Variants in TOX4 observed in about 807,000 individuals in gnomAD.
TOX4 encodes the protein epidermal Langerhans cell protein LCP1.
A neutral mutation model predicts 61.0 loss-of-function variants in TOX4; 12 were observed. That is an observed-to-expected ratio of 0.20 (90% confidence interval 0.13 to 0.32). The LOEUF is 0.32. TOX4 is among the 10% of genes least tolerant of loss of function. The pLI is 1.00. For synonymous variants in TOX4, 268 were observed against 274.8 expected (o/e 0.98, Z 0.24); for missense variants, 499 against 753.3 (o/e 0.66, Z 3.95).
intron 7 of TOX4, 69 bp downstream of exon 7, chr14:21,493,326 C>G: frequency 6.6e-7 from 1 of 1,506,934 alleles, no homozygotes; most frequent in Non-Finnish European, 8.9e-7. Context: ...GACCCAATAA[C>G]AGTGGGGGTT....
intron 2 of TOX4, among the ~76,000 whole-genome samples, chr14:21,481,782 AAAC>A (rs1566479625): frequency 6.6e-6 from 1 of 152,248 alleles, no homozygotes; most frequent in Non-Finnish European, 1.5e-5. Context: ...TGGATAATCT[AAAC>A]AATATTTTGT....
chr14:21,492,707 A>C lies in TOX4; in HGVS notation c.1091A>C (p.Asn364Thr). ...QASSGAGGQP[N>T]ITKLIITKQM... ...TCTTCTGGAGCTGGGGGTCAGCCCA[A>C]TATCACCAAGTTGATTATTACCAAA... Residue 364 changes from asparagine (N) to threonine (T), a missense_variant, in exon 7 of 9, where the codon AAT becomes ACT. Coordinates refer to ENST00000448790, the MANE Select transcript of TOX4 (RefSeq NM_014828.4). 6.2e-7 allele frequency: 1 copy of C among 1,614,130 alleles called. No individual in the cohort carries two copies. Among genetic ancestry groups the C allele is most frequent in the Non-Finnish European group, 8.5e-7 (1 of 1,180,028 alleles).
At chr14:21,491,281 C>T (rs971202789) in intron 5 of TOX4, among the ~76,000 whole-genome samples, 1 of 152,222 alleles carries the variant, frequency 6.6e-6, no homozygotes, top group Non-Finnish European at 1.5e-5. Flanking sequence ...CAATTTACCA[C>T]ATTCCATAAG....
intron 2 of TOX4, 71 bp from the exon 3 acceptor site, chr14:21,487,380 A>G (rs1891206090): frequency 3.2e-6 from 5 of 1,561,582 alleles, no homozygotes; most frequent in Non-Finnish European, 3.5e-6. Context: ...GTACCCCATT[A>G]TGTTCTTCAC....
At position 21,497,649 on chromosome 14, in the gene TOX4, T is replaced by A. The variant is rs1169585061; in HGVS notation, c.*1043T>A. On this transcript the variant is annotated 3_prime_UTR_variant, in exon 9 of 9. Coordinates refer to ENST00000448790, the MANE Select transcript of TOX4 (RefSeq NM_014828.4). Reference sequence around the variant, plus strand: ...TTCAAGCGATTCTCCTGCATCAGCCTCCCGAGTAGCTAGGATTACAGGCGC... The same window carrying A: ...TTCAAGCGATTCTCCTGCATCAGCCACCCGAGTAGCTAGGATTACAGGCGC... 6.6e-6 allele frequency: 1 copy of A among 150,806 alleles called. No homozygotes were observed. Among genetic ancestry groups the A allele is most frequent in the Non-Finnish European group, 1.5e-5 (1 of 67,860 alleles). The allele number at this position is 150,806 out of a possible 1,614,324, so 9.3% of individuals were successfully genotyped here.
At position 21,487,834 on chromosome 14, in the gene TOX4, T is replaced by G. The variant is rs1237560829; in HGVS notation, c.318+141T>G. 3.2e-6 allele frequency: 3 copies of G among 924,906 alleles called. No individual in the cohort carries two copies. In the East Asian group the frequency reaches 9.3e-5, roughly 29 times the overall value. 57.3% of individuals were successfully genotyped at this position (924,906 alleles called of 1,614,324 possible). ...AAAGGCTCACCAACAAAGACTTAAT[T>G]TCACCTGAATAAATGAAATTTACCA... On this transcript the variant is annotated intron_variant, in intron 3 of 8. Coordinates refer to ENST00000448790, the MANE Select transcript of TOX4 (RefSeq NM_014828.4).
At position 21,495,282 on chromosome 14, in the gene TOX4, A is replaced by G; in HGVS notation, c.1695A>G (p.Ala565=). Residue 565 remains alanine (A), a synonymous_variant, in exon 8 of 9, where the codon GCA becomes GCG. Coordinates refer to ENST00000448790, the MANE Select transcript of TOX4 (RefSeq NM_014828.4). The stretch of plus-strand genomic sequence containing the variant: ...AATTGGTGAGTGGGTCTCCTGTGGC[A>G]CTCTCACCCCAGCCTCGATGTGTGA... ...DVELVSGSPV[A]LSPQPRCVRS... 6.2e-7 allele frequency: 1 copy of G among 1,613,798 alleles called. No homozygotes were observed. Among genetic ancestry groups the G allele is most frequent in the South Asian group, 1.1e-5 (1 of 91,068 alleles).
chr14:21,490,470 C>T (rs974692373), intron 5 of TOX4, among the ~76,000 whole-genome samples: 1 of 152,124 alleles, frequency 6.6e-6, no homozygotes, highest in Non-Finnish European at 1.5e-5. Flanking sequence ...AGTGAAACTC[C>T]ATCTCAAAAA....
chr14:21,489,109 T>A, intron 4 of TOX4, 64 bp from the exon 5 acceptor site: 2 of 1,519,230 alleles, frequency 1.3e-6, no homozygotes, highest in Non-Finnish European at 1.8e-6. Context: ...TACATGTGGC[T>A]AGTTTCCAGA....
At position 21,477,293 on chromosome 14, in the gene TOX4, C is replaced by G. The variant is rs533831557; in HGVS notation, c.6+9C>G. 4.5e-5 allele frequency: 72 copies of G among 1,614,006 alleles called. No homozygotes were observed. In the East Asian group the frequency reaches 7.4e-4, roughly 16 times the overall value. ...GTTGTGTGAAGATGGAGGTAGGAAC[C>G]TGATAGCTAAGAAGGCTGGCGAGAG... On this transcript the variant is annotated intron_variant, in intron 1 of 8. Transcript: ENST00000448790.
chr14:21,485,142 G>A (rs73581427), intron 2 of TOX4, among the ~76,000 whole-genome samples: 31,222 of 105,700 alleles, frequency 0.3, 11,618 homozygotes, highest in Admixed American at 0.36. Flanking sequence ...ATGGCCAGGC[G>A]TGGTGGCTCA....
At chr14:21,479,531 C>G (rs1415900094) in intron 2 of TOX4, among the ~76,000 whole-genome samples, 1 of 151,798 alleles carries the variant, frequency 6.6e-6, no homozygotes, top group African/African-American at 2.4e-5. Flanking sequence ...GCCTGTAATC[C>G]CAGATACTCA....
rs1223441679 is a variant in TOX4, at chr14:21,484,478, T to C, written c.76-2973T>C. Among the ~76,000 whole-genome samples, 2 of 38,246 alleles carry C rather than the reference T, an allele frequency of 5.2e-5. 1 individual carries two copies. Among genetic ancestry groups the C allele is most frequent in the Non-Finnish European group, 1.2e-4 (2 of 16,278 alleles). The allele number at this position is 38,246 out of a possible 152,430, so 25.1% of individuals were successfully genotyped here. ...ATTCTCCTGCCTCAGCCTCCTGATG[T>C]AGATGGCATTACAGGCACCTGCCAC... On this transcript the variant is annotated intron_variant, in intron 2 of 8. Coordinates refer to ENST00000448790, the MANE Select transcript of TOX4 (RefSeq NM_014828.4).
At chr14:21,495,144 A>T (rs1891373669) in intron 7 of TOX4, 85 bp from the exon 8 acceptor site, 3 of 1,476,662 alleles carry the variant, frequency 2.0e-6, no homozygotes, top group Admixed American at 1.9e-5. Flanking sequence ...CTGTTGCTTC[A>T]TTGGTTTCTA....
intron 2 of TOX4, among the ~76,000 whole-genome samples, chr14:21,483,478 A>G (rs1004072432): frequency 1.3e-5 from 2 of 151,652 alleles, no homozygotes; most frequent in African/African-American, 4.8e-5. Context: ...GAAATATCAG[A>G]AAGAGTCATG....
At chr14:21,477,639 C>CG in intron 2 of TOX4, 75 bp downstream of exon 2, 1 of 1,525,508 alleles carries the variant, frequency 6.6e-7, no homozygotes, top group Non-Finnish European at 9.0e-7. Context: ...GAGGAGAGCA[C>CG]GGACTCCGGG....
intron 5 of TOX4, among the ~76,000 whole-genome samples, chr14:21,490,688 G>A (rs1891273216): frequency 6.6e-6 from 1 of 152,074 alleles, no homozygotes; most frequent in Non-Finnish European, 1.5e-5. Context: ...CTCATGTAGT[G>A]TCCTTCTGTT....
chr14:21,496,679 A>G lies in TOX4; in HGVS notation c.*73A>G, dbSNP rs1891410540. On this transcript the variant is annotated 3_prime_UTR_variant, in exon 9 of 9. Coordinates refer to ENST00000448790, the MANE Select transcript of TOX4 (RefSeq NM_014828.4). ...TCCAAGAGCCTGTTTTTGAAACACA[A>G]GCTGGGCTTCTGGTAGTGCCTCATC... The G allele has an allele frequency of 1.4e-6, 2 of 1,393,242 alleles. No homozygotes were observed. Among genetic ancestry groups the G allele is most frequent in the Admixed American group, 1.7e-5 (1 of 58,056 alleles). The allele number at this position is 1,393,242 out of a possible 1,614,324, so 86.3% of individuals were successfully genotyped here.
At position 21,493,185 on chromosome 14, in the gene TOX4, C is replaced by T. The variant is rs1891331716; in HGVS notation, c.1569C>T (p.Ser523=). The part of the protein sequence containing the change: ...ESSPERPMNN[S]PEAHTVEAPS... Reference sequence around the variant, plus strand: ...GTCCTGAGCGGCCTATGAACAACAGCCCTGAGGCCCATACAGTGGAGGCAC... The same window carrying T: ...GTCCTGAGCGGCCTATGAACAACAGTCCTGAGGCCCATACAGTGGAGGCAC... Residue 523 remains serine (S), a synonymous_variant, in exon 7 of 9, where the codon AGC becomes AGT. Coordinates refer to ENST00000448790, the MANE Select transcript of TOX4 (RefSeq NM_014828.4). 2 of 1,614,064 alleles carry T rather than the reference C, an allele frequency of 1.2e-6. No homozygotes were observed. The highest frequency in any genetic ancestry group is 2.7e-5 in the African/African-American group (2 of 74,912).
Sources: gnomAD v4.1 joint callset for allele counts (sites outside exome capture counted in the v4.1 genomes callset) on GRCh38, gnomAD v4.1.1 for gene constraint, MANE v1.5 for transcripts, NCBI Gene and HGNC (gene_info 2026-07-23, HGNC 2026-07-21) for gene names.